Variants in SPECC1L observed in about 807,000 individuals in gnomAD.
The protein encoded by SPECC1L is sperm antigen with calponin homology and coiled-coil domains 1 like.
A neutral mutation model predicts 116.8 loss-of-function variants in SPECC1L; 40 were observed. The ratio of observed to expected loss-of-function variants is 0.34; its 90% CI spans 0.27 to 0.45. The LOEUF (loss-of-function observed/expected upper bound fraction) is 0.45. Ranked by LOEUF, SPECC1L falls within the 20% of genes least tolerant of loss-of-function variation. The probability of loss-of-function intolerance (pLI) is 1.00; values close to 1 mark genes in which losing one functional copy is unlikely to be tolerated. For synonymous variants in SPECC1L, 504 were observed against 500.6 expected, an observed-to-expected ratio of 1.01 and a Z score of -0.09; for missense variants, 1,110 against 1,373.6, an observed-to-expected ratio of 0.81 and a Z score of 3.03.
Position 24,396,755 on chromosome 22 carries a change from C to G in SPECC1L, c.3088-14833C>G, listed in dbSNP as rs564022585. Among the ~76,000 whole-genome samples, 5 of 152,330 alleles carry G rather than the reference C, an allele frequency of 3.3e-5. No homozygotes were observed. The East Asian group carries it at 5.8e-4, about 18-fold the overall frequency. ...ATAGAAGTTGCGTTTCACGTGGCCT[C>G]TGTACTTCTGCTGCCATTGTGTCCC... is the stretch of plus-strand genomic sequence containing the variant. On this transcript the variant is annotated intron_variant, in intron 14 of 16. Transcript: ENST00000314328.
intron 11 of SPECC1L, among the ~76,000 whole-genome samples, chr22:24,351,066 A>G (rs2041411532): frequency 6.6e-6 from 1 of 152,176 alleles, no homozygotes; most frequent in South Asian, 2.1e-4. Context: ...AGCTGAAGCC[A>G]ACCCTCGAGG....
chr22:24,358,761 C>G (rs2041582522), intron 11 of SPECC1L, among the ~76,000 whole-genome samples: 1 of 152,154 alleles, frequency 6.6e-6, no homozygotes, highest in Non-Finnish European at 1.5e-5. Context: ...CCCCACTTGG[C>G]CTCAATCACC....
At chr22:24,343,083 A>C in intron 10 of SPECC1L, among the ~76,000 whole-genome samples, 1 of 152,074 alleles carries the variant, frequency 6.6e-6, no homozygotes, top group East Asian at 1.9e-4. Context: ...AGTCCCAGCT[A>C]CTTGGGAGGC....
At position 24,322,019 on chromosome 22, in the gene SPECC1L, A is replaced by G. The variant is rs145257997; in HGVS notation, c.1039A>G (p.Ser347Gly). 6.2e-7 allele frequency: 1 copy of G among 1,614,218 alleles called. No homozygotes were observed. Among genetic ancestry groups the G allele is most frequent in the Non-Finnish European group, 8.5e-7 (1 of 1,180,036 alleles). ...QHSNSMDNLD[S>G]ECSEVYQPLT... is the part of the protein sequence containing the mutation. ...CAGTAACTCCATGGACAATTTAGAC[A>G]GTGAGTGCAGTGAGGTCTACCAGCC... The change falls in exon 5 of 17, where the codon AGT becomes GGT. Residue 347 changes from serine (S) to glycine (G), a missense_variant. By Grantham distance (56) the Ser-to-Gly change is moderately conservative. Transcript: ENST00000314328.
chr22:24,365,247 G>A (rs904410115), intron 12 of SPECC1L, among the ~76,000 whole-genome samples: 1 of 152,026 alleles, frequency 6.6e-6, no homozygotes, highest in African/African-American at 2.4e-5. Flanking sequence ...ACCTCAAGTG[G>A]TCTGCCTGCC....
At chr22:24,288,615 C>CAT (rs1569405170) in intron 2 of SPECC1L, among the ~76,000 whole-genome samples, 4 of 61,674 alleles carry the variant, frequency 6.5e-5, no homozygotes, top group Admixed American at 2.2e-4. Flanking sequence ...AAATTTTAAG[C>CAT]TTTTTTTTTT....
intron 5 of SPECC1L, 50 bp downstream of exon 5, chr22:24,322,968 A>G: frequency 1.2e-6 from 2 of 1,608,936 alleles, no homozygotes; most frequent in Non-Finnish European, 1.7e-6. Flanking sequence ...GGCAGCTGCC[A>G]TGCACAGTGT....
At chr22:24,341,600 A>G (rs989228896) in intron 10 of SPECC1L, among the ~76,000 whole-genome samples, 4 of 152,240 alleles carry the variant, frequency 2.6e-5, no homozygotes, top group African/African-American at 9.6e-5. Flanking sequence ...GGCAGCCTCT[A>G]AAATGTTCCC....
chr22:24,379,176 C>T (rs970384235), intron 14 of SPECC1L, among the ~76,000 whole-genome samples: 2 of 151,704 alleles, frequency 1.3e-5, no homozygotes, highest in African/African-American at 4.8e-5. Context: ...GAGTTTGAGA[C>T]CAGCGTTGGC....
At chr22:24,304,522 T>G (rs992522680) in intron 3 of SPECC1L, 2 of 152,240 alleles carry the variant, frequency 1.3e-5, no homozygotes, top group African/African-American at 4.8e-5. Flanking sequence ...CTTTGTATGC[T>G]TAATTCTCCT....
Position 24,338,439 on chromosome 22 carries a change from A to G in SPECC1L, c.2614A>G (p.Met872Val), listed in dbSNP as rs543254960. Residue 872 changes from methionine (M) to valine (V), a missense_variant, in exon 10 of 17, where the codon ATG becomes GTG. Around this residue, in one of 4 missense-constraint regions of SPECC1L, gnomAD observed 575 missense variants for 682.4 expected, o/e 0.84. Coordinates refer to ENST00000314328, the MANE Select transcript of SPECC1L (RefSeq NM_015330.6). ...IPRTPLSPSP[M>V]KTPPAAAVSP... The stretch of plus-strand genomic sequence containing the variant: ...TCGAACGCCCCTGAGCCCAAGTCCT[A>G]TGAAAACCCCTCCTGCAGCAGCTGT... 1.1e-5 allele frequency: 17 copies of G among 1,614,108 alleles called. No homozygotes were observed. Among genetic ancestry groups the G allele is most frequent in the African/African-American group, 4.0e-5 (3 of 75,032 alleles).
At chr22:24,320,103 A>G (rs889589878) in intron 4 of SPECC1L, among the ~76,000 whole-genome samples, 5 of 152,244 alleles carry the variant, frequency 3.3e-5, no homozygotes, top group South Asian at 2.1e-4. Flanking sequence ...GTGAAACCCT[A>G]TCTCTACTAA....
At chr22:24,301,556 A>C (rs2049379030) in intron 2 of SPECC1L, among the ~76,000 whole-genome samples, 1 of 152,206 alleles carries the variant, frequency 6.6e-6, no homozygotes, top group Non-Finnish European at 1.5e-5. Flanking sequence ...CTATTTTGTA[A>C]TAAAGTGTTG....
intron 6 of SPECC1L, among the ~76,000 whole-genome samples, chr22:24,325,344 T>C (rs1022308062): frequency 2.0e-5 from 3 of 152,144 alleles, no homozygotes; most frequent in African/African-American, 7.2e-5. Flanking sequence ...TTTTGCAAAC[T>C]AGTCTTCACA....
chr22:24,311,602 C>T (rs145596662), intron 3 of SPECC1L, among the ~76,000 whole-genome samples: 18 of 152,066 alleles, frequency 1.2e-4, no homozygotes, highest in African/African-American at 3.4e-4. Context: ...GCCAGGAGTT[C>T]GAGACCAGCC....
At chr22:24,319,441 C>T (rs569635591) in intron 4 of SPECC1L, among the ~76,000 whole-genome samples, 5 of 152,294 alleles carry the variant, frequency 3.3e-5, no homozygotes, top group Non-Finnish European at 5.9e-5. Context: ...AGGTCCCTCC[C>T]GAAACACATA....
chr22:24,294,714 G>A (rs576172941), intron 2 of SPECC1L, among the ~76,000 whole-genome samples: 194 of 152,050 alleles, frequency 1.3e-3, no homozygotes, highest in Non-Finnish European at 2.2e-3. Context: ...ATATATTTGA[G>A]TCCTCCTTGA....
chr22:24,319,740 C>T (rs1002926577), intron 4 of SPECC1L, among the ~76,000 whole-genome samples: 4 of 152,116 alleles, frequency 2.6e-5, no homozygotes, highest in East Asian at 1.9e-4. Flanking sequence ...GCCTGAATTC[C>T]GCATCCTCCT....
intron 2 of SPECC1L, among the ~76,000 whole-genome samples, chr22:24,295,439 C>T (rs971648172): frequency 8.7e-5 from 13 of 149,910 alleles, no homozygotes; most frequent in South Asian, 2.1e-4. Flanking sequence ...GTTTGGGGTA[C>T]GGATCCCGTC....
Sources: gnomAD v4.1 joint callset for allele counts (sites outside exome capture counted in the v4.1 genomes callset) on GRCh38, gnomAD v4.1.1 for gene constraint, gnomAD v4.1.1 regional missense constraint, MANE v1.5 for transcripts, NCBI Gene and HGNC (gene_info 2026-07-23, HGNC 2026-07-21) for gene names.